The following PRMT8 variants were observed in gnomAD, a reference collection of about 807,000 sequenced individuals.
The protein encoded by PRMT8 is protein arginine methyltransferase 8.
In PRMT8, 7 loss-of-function variants were observed where a neutral mutation model predicts 47.1. That is an observed-to-expected ratio of 0.15 (90% CI 0.08 to 0.28). The LOEUF (loss-of-function observed/expected upper bound fraction) is 0.28, where lower values mean the gene tolerates loss of function less well. PRMT8 is among the 10% of genes least tolerant of loss of function. The pLI is 1.00. For synonymous variants in PRMT8, 188 were observed against 186.5 expected (o/e 1.01, Z -0.07); for missense variants, 237 against 505.4 (o/e 0.47, Z 5.09).
chr12:3,446,314 C>T (rs550666255), intron 1 of PRMT8, among the ~76,000 whole-genome samples: 74 of 152,130 alleles, frequency 4.9e-4, no homozygotes, highest in Non-Finnish European at 8.2e-4. Context: ...CCCCAGTCTG[C>T]TCTGAGAGTC....
chr12:3,571,201 A>G (rs919245050), intron 6 of PRMT8, among the ~76,000 whole-genome samples: 4 of 152,214 alleles, frequency 2.6e-5, no homozygotes, highest in Non-Finnish European at 4.4e-5. Flanking sequence ...CCTGACTGCC[A>G]AGCCCCTGGT....
At chr12:3,553,565 C>A in intron 3 of PRMT8, 86 bp from the exon 4 acceptor site, 3 of 1,162,504 alleles carry the variant, frequency 2.6e-6, no homozygotes, top group Non-Finnish European at 3.9e-6. Context: ...CCTGTCTGGG[C>A]CTCAGCGTCT....
chr12:3,391,465 T>G (rs1302420590), intron 1 of PRMT8, among the ~76,000 whole-genome samples: 1 of 152,048 alleles, frequency 6.6e-6, no homozygotes, highest in African/African-American at 2.4e-5. Context: ...GCAAAATCAC[T>G]CTGTGTGTGG....
At chr12:3,512,040 A>G (rs1417827166) in intron 1 of PRMT8, among the ~76,000 whole-genome samples, 1 of 152,078 alleles carries the variant, frequency 6.6e-6, no homozygotes, top group Non-Finnish European at 1.5e-5. Flanking sequence ...AAGTGATTCC[A>G]TGGCCATCCC....
intron 8 of PRMT8, among the ~76,000 whole-genome samples, chr12:3,590,912 G>A (rs9783522): frequency 0.12 from 18,968 of 152,182 alleles, 1,355 homozygotes; most frequent in Middle Eastern, 0.28. Context: ...CATGGAGCTT[G>A]CAGTCCATGG....
Position 3,569,908 on chromosome 12 carries a change from A to G in PRMT8, c.712+344A>G, listed in dbSNP as rs1866815036. Among the ~76,000 whole-genome samples the G allele has an allele frequency of 6.6e-6, 1 of 152,238 alleles. No individual in the cohort carries two copies. Among genetic ancestry groups the G allele is most frequent in the East Asian group, 1.9e-4 (1 of 5,206 alleles). On this transcript the variant is annotated intron_variant, in intron 6 of 9. Transcript: ENST00000382622. The surrounding 1 kb of genome is among the most constrained non-coding windows in gnomAD (Gnocchi z 8.2). ...GCTTGAAACCTGTCAAGGTTCAGTT[A>G]GCCCAAAAGTCCACCGCAGGGGTCT...
chr12:3,383,170 C>G (rs1301085234), intron 1 of PRMT8, among the ~76,000 whole-genome samples: 1 of 152,136 alleles, frequency 6.6e-6, no homozygotes, highest in Non-Finnish European at 1.5e-5. Flanking sequence ...CCACTTTATT[C>G]TTCTATTTCA....
chr12:3,516,751 GC>G (rs1865797649), intron 1 of PRMT8, among the ~76,000 whole-genome samples: 1 of 152,016 alleles, frequency 6.6e-6, no homozygotes, highest in Non-Finnish European at 1.5e-5. Context: ...GATATACTAG[GC>G]CCCTGCTTCG....
At position 3,507,761 on chromosome 12, in the gene PRMT8, T is replaced by C. The variant is rs910039860; in HGVS notation, c.75+16061T>C. 1.2e-4 allele frequency among the ~76,000 whole-genome samples: 18 copies of C among 148,738 alleles called. 1 individual carries two copies. The highest frequency in any genetic ancestry group is 3.9e-4 in the African/African-American group (16 of 40,810). ...TAGAATTCTTTTTCTTCTCCTTCTT[T>C]TTTTTTTTTTTTTTTGAGATAGAGT... On this transcript the variant is annotated intron_variant, in intron 1 of 9. Coordinates refer to ENST00000382622, the MANE Select transcript of PRMT8 (RefSeq NM_019854.5).
intron 1 of PRMT8, among the ~76,000 whole-genome samples, chr12:3,391,185 G>A (rs1191407782): frequency 1.3e-5 from 2 of 152,116 alleles, no homozygotes; most frequent in Non-Finnish European, 2.9e-5. Context: ...GCTGTTCCAG[G>A]TAGTTCACTG....
intron 1 of PRMT8, among the ~76,000 whole-genome samples, chr12:3,439,475 A>G (rs1300930820): frequency 6.6e-6 from 1 of 151,990 alleles, no homozygotes; most frequent in Non-Finnish European, 1.5e-5. Context: ...AACAAACTAA[A>G]CAAACGTATT....
At chr12:3,395,130 C>T (rs1486846094) in intron 1 of PRMT8, among the ~76,000 whole-genome samples, 1 of 149,448 alleles carries the variant, frequency 6.7e-6, no homozygotes, top group Non-Finnish European at 1.5e-5. Flanking sequence ...TGCTAGCGGT[C>T]TATCAATTTT....
chr12:3,478,050 G>A (rs1409240295), intron 1 of PRMT8, among the ~76,000 whole-genome samples: 2 of 152,124 alleles, frequency 1.3e-5, no homozygotes, highest in African/African-American at 4.8e-5. Context: ...TGCTCTAAGA[G>A]TGTAAAGAAG....
chr12:3,591,975 G>C (rs12813740), intron 8 of PRMT8, among the ~76,000 whole-genome samples: 3,279 of 152,230 alleles, frequency 0.022, 54 homozygotes, highest in East Asian at 0.039. Flanking sequence ...CGGGTTGTTT[G>C]TCTTCTGATC....
chr12:3,449,108 G>A (rs1351678556), intron 1 of PRMT8, among the ~76,000 whole-genome samples: 1 of 152,172 alleles, frequency 6.6e-6, no homozygotes, highest in Admixed American at 6.5e-5. Flanking sequence ...TGGTGTATAT[G>A]TACCACATTC....
At chr12:3,413,779 AAAT>A (rs1335047884) in intron 1 of PRMT8, among the ~76,000 whole-genome samples, 6 of 152,364 alleles carry the variant, frequency 3.9e-5, no homozygotes, top group African/African-American at 1.2e-4. Context: ...AACCAATAAA[AAAT>A]AATGCAAATT....
chr12:3,583,003 C>G lies in PRMT8; in HGVS notation c.829-55C>G. ...CACAGAACGAGGCTGCTGACCGGGA[C>G]CCAGACTTGGTGGAGGCGATAAGTT... On this transcript the variant is annotated intron_variant, in intron 7 of 9. Coordinates refer to ENST00000382622, the MANE Select transcript of PRMT8 (RefSeq NM_019854.5). This position sits in a 1 kb window ranked among gnomAD's most constrained non-coding sequence, Gnocchi z 4.7. 6.3e-7 allele frequency: 1 copy of G among 1,584,288 alleles called. No homozygotes were observed. The highest frequency in any genetic ancestry group is 8.6e-7 in the Non-Finnish European group (1 of 1,163,222).
chr12:3,529,162 T>A (rs1344596402), intron 1 of PRMT8, among the ~76,000 whole-genome samples: 1 of 152,210 alleles, frequency 6.6e-6, no homozygotes, highest in Non-Finnish European at 1.5e-5. Context: ...ACTTTATCTG[T>A]CTTGCTGTCC....
rs1290114812 is a variant in PRMT8, at chr12:3,505,546, G to A, written c.75+13846G>A. On this transcript the variant is annotated intron_variant, in intron 1 of 9. Coordinates refer to ENST00000382622, the MANE Select transcript of PRMT8 (RefSeq NM_019854.5). ...TTTTAGCATACATATTATGGGTTGGGTGCTGTGTCAGTCACTTTGTAAACA... is the reference window on the plus strand; with the variant it reads ...TTTTAGCATACATATTATGGGTTGGATGCTGTGTCAGTCACTTTGTAAACA... Among the ~76,000 whole-genome samples, 4 of 152,180 alleles carry A rather than the reference G, an allele frequency of 2.6e-5. No individual in the cohort carries two copies. The East Asian group carries it at 5.8e-4, about 22-fold the overall frequency.
Sources: gnomAD v4.1 joint callset for allele counts (sites outside exome capture counted in the v4.1 genomes callset) on GRCh38, gnomAD v4.1.1 for gene constraint, Gnocchi (gnomAD v3.1) non-coding constraint, MANE v1.5 for transcripts, NCBI Gene and HGNC (gene_info 2026-07-23, HGNC 2026-07-21) for gene names.